The following RPS6KC1 variants were observed in gnomAD, a reference collection of about 807,000 sequenced individuals.
RPS6KC1 encodes the protein ribosomal protein S6 kinase C1.
A neutral mutation model predicts 103.8 loss-of-function variants in RPS6KC1; 54 were observed. The observed-to-expected ratio is 0.52, with a 90% CI of 0.42 to 0.65. The LOEUF is 0.65. Among genes scored for constraint, RPS6KC1 ranks in the 30% least tolerant of loss-of-function variants. The probability of loss-of-function intolerance (pLI) is 0.00; values close to 1 mark genes in which losing one functional copy is unlikely to be tolerated. For missense variants in RPS6KC1, 1,151 were observed against 1,253.8 expected, an observed-to-expected ratio of 0.92 and a Z score of 1.24; for synonymous variants, 439 against 438.7, an observed-to-expected ratio of 1.00 and a Z score of -0.01.
the RPS6KC1 span, among the ~76,000 whole-genome samples, chr1:213,387,344 A>T: frequency 1.3e-5 from 2 of 152,344 alleles, no homozygotes; most frequent in African/African-American, 4.8e-5. Context: ...TTGCATTGTA[A>T]TTGCCTGACT....
chr1:213,419,207 C>G, the RPS6KC1 span, among the ~76,000 whole-genome samples: 1 of 152,216 alleles, frequency 6.6e-6, no homozygotes, highest in East Asian at 1.9e-4. Context: ...GATGATGCCC[C>G]TCCTAGAGGT....
the RPS6KC1 span, among the ~76,000 whole-genome samples, chr1:213,292,414 T>C: frequency 2.0e-5 from 3 of 152,186 alleles, no homozygotes; most frequent in Non-Finnish European, 4.4e-5. Flanking sequence ...ATTTATTGTT[T>C]AATCGTATGT....
chr1:213,373,473 A>G, the RPS6KC1 span, among the ~76,000 whole-genome samples: 2 of 152,200 alleles, frequency 1.3e-5, no homozygotes, highest in African/African-American at 4.8e-5. Context: ...ATGTCAATAA[A>G]CTACTTTTGG....
chr1:213,384,469 G>T, the RPS6KC1 span, among the ~76,000 whole-genome samples: 1 of 152,058 alleles, frequency 6.6e-6, no homozygotes, highest in South Asian at 2.1e-4. Flanking sequence ...GTCTTTAGAT[G>T]AATCTTGGCA....
chr1:213,680,874 G>T, the RPS6KC1 span, among the ~76,000 whole-genome samples: 1 of 152,194 alleles, frequency 6.6e-6, no homozygotes, highest in Non-Finnish European at 1.5e-5. Context: ...GCTCAAAATG[G>T]CTGTGTAAAT....
At chr1:213,516,860 A>T in the RPS6KC1 span, among the ~76,000 whole-genome samples, 1 of 151,574 alleles carries the variant, frequency 6.6e-6, no homozygotes, top group Non-Finnish European at 1.5e-5. Flanking sequence ...CTGGTCCTGG[A>T]CTCTTTTTCG....
chr1:213,383,237 G>A, the RPS6KC1 span, among the ~76,000 whole-genome samples: 1 of 152,232 alleles, frequency 6.6e-6, no homozygotes, highest in Admixed American at 6.5e-5. Flanking sequence ...GATGGAATGT[G>A]AAAGGATATT....
Position 213,056,837 on chromosome 1 carries a change from A to G in RPS6KC1, c.105+5328A>G, listed in dbSNP as rs560665006. Among the ~76,000 whole-genome samples the G allele has an allele frequency of 4.2e-5, 6 of 144,510 alleles. 1 individual carries two copies. The highest frequency in any genetic ancestry group is 4.4e-4 in the South Asian group (2 of 4,564). 94.8% of individuals were successfully genotyped at this position (144,510 alleles called of 152,430 possible). On this transcript the variant is annotated intron_variant, in intron 1 of 14. Transcript: ENST00000366960. ...TCTGCTCATCTCAGGTGTCAGCTATACCCTGTGTTCCGGGAAGCTTTTTTT... is the reference window on the plus strand; with the variant it reads ...TCTGCTCATCTCAGGTGTCAGCTATGCCCTGTGTTCCGGGAAGCTTTTTTT...
rs2149083476 is a variant in RPS6KC1, at chr1:213,259,004, C to A, written c.2912-2554C>A. 1.3e-5 allele frequency among the ~76,000 whole-genome samples: 2 copies of A among 152,306 alleles called. 1 individual carries two copies. The highest frequency in any genetic ancestry group is 4.1e-4 in the South Asian group (2 of 4,824). Reference sequence around the variant, plus strand: ...TCATAGAGTTCCTAGAGCCCCTCAGCTCTAACCCTCATGTTATAGATGACA... The same window carrying A: ...TCATAGAGTTCCTAGAGCCCCTCAGATCTAACCCTCATGTTATAGATGACA... On this transcript the variant is annotated intron_variant, in intron 12 of 14. Transcript: ENST00000366960.
the RPS6KC1 span, among the ~76,000 whole-genome samples, chr1:213,319,429 G>T: frequency 6.6e-6 from 1 of 151,932 alleles, no homozygotes; most frequent in Non-Finnish European, 1.5e-5. Context: ...CTTAAGAAGA[G>T]AATTACTTTA....
chr1:213,185,996 A>C (rs1018634511), intron 8 of RPS6KC1, among the ~76,000 whole-genome samples: 1 of 151,886 alleles, frequency 6.6e-6, no homozygotes, highest in African/African-American at 2.4e-5. Flanking sequence ...CAAAAAAAAA[A>C]ACTACACAAA....
intron 6 of RPS6KC1, among the ~76,000 whole-genome samples, chr1:213,134,323 C>T (rs1407750154): frequency 6.6e-6 from 1 of 151,692 alleles, no homozygotes; most frequent in African/African-American, 2.4e-5. Flanking sequence ...TTTTCTTCCT[C>T]TCTCATTTTC....
At chr1:213,580,564 C>T in the RPS6KC1 span, among the ~76,000 whole-genome samples, 3 of 151,988 alleles carry the variant, frequency 2.0e-5, no homozygotes, top group East Asian at 1.9e-4. Context: ...AATAACACCT[C>T]GTACCACAGA....
At chr1:213,350,790 G>GT in the RPS6KC1 span, among the ~76,000 whole-genome samples, 1 of 152,068 alleles carries the variant, frequency 6.6e-6, no homozygotes, top group East Asian at 1.9e-4. Context: ...TTGCCTTTTA[G>GT]TTTTTTTCTT....
At chr1:213,468,043 C>T in the RPS6KC1 span, among the ~76,000 whole-genome samples, 1 of 152,210 alleles carries the variant, frequency 6.6e-6, no homozygotes, top group Non-Finnish European at 1.5e-5. Flanking sequence ...CCTTGTTCTC[C>T]TAACGGGTGA....
At chr1:213,315,466 G>A in the RPS6KC1 span, among the ~76,000 whole-genome samples, 1 of 152,182 alleles carries the variant, frequency 6.6e-6, no homozygotes, top group Non-Finnish European at 1.5e-5. Context: ...TAAAACTGAT[G>A]TATTTATCAC....
At chr1:213,123,601 T>C (rs1455298249) in intron 5 of RPS6KC1, among the ~76,000 whole-genome samples, 1 of 152,186 alleles carries the variant, frequency 6.6e-6, no homozygotes, top group East Asian at 1.9e-4. Context: ...AGCATTAAGC[T>C]TTGGATTTAG....
chr1:213,123,255 T>C (rs1237297439), intron 5 of RPS6KC1, among the ~76,000 whole-genome samples: 2 of 152,134 alleles, frequency 1.3e-5, no homozygotes, highest in East Asian at 3.9e-4. Context: ...GGTAATGGGC[T>C]TGATGTCCTG....
At chr1:213,375,770 A>T in the RPS6KC1 span, among the ~76,000 whole-genome samples, 16 of 152,074 alleles carry the variant, frequency 1.1e-4, no homozygotes, top group Non-Finnish European at 1.0e-4. Context: ...AGGGGGACCT[A>T]TGTTTTGTCA....
Sources: allele counts gnomAD v4.1 joint callset (sites outside exome capture counted in the v4.1 genomes callset), GRCh38; gene constraint gnomAD v4.1.1; transcripts MANE v1.5; gene names NCBI Gene and HGNC (gene_info 2026-07-23, HGNC 2026-07-21).